Variants in GPR174 observed in about 807,000 individuals in gnomAD.
GPR174 encodes G protein-coupled receptor 174.
A neutral mutation model predicts 16.5 loss-of-function variants in GPR174; 8 were observed. The ratio of observed to expected loss-of-function variants is 0.48; its 90% CI spans 0.28 to 0.87. The LOEUF is 0.87. Ranked by LOEUF, GPR174 falls within the 40% of genes least tolerant of loss-of-function variation. GPR174 has a pLI of 0.09. For synonymous variants in GPR174, 111 were observed against 94.8 expected (o/e 1.17, Z -0.99); for missense variants, 214 against 247.5 (o/e 0.86, Z 0.91).
Position 79,174,400 on chromosome X carries a change from T to G in GPR174, c.*2391T>G, listed in dbSNP as rs1921588982. 1 of 107,132 alleles carries G rather than the reference T, an allele frequency of 9.3e-6. No homozygotes were observed. The highest frequency in any genetic ancestry group is 3.4e-5 in the African/African-American group (1 of 29,352). The allele number at this position is 107,132 out of a possible 1,213,427, so 8.8% of individuals were successfully genotyped here. A position where few individuals can be genotyped will look rare whatever the true frequency, so the allele number is the denominator to read the frequency against. On this transcript the variant is annotated 3_prime_UTR_variant, in exon 3 of 3. Coordinates refer to ENST00000645147, the MANE Select transcript of GPR174 (RefSeq NM_032553.3). ...CACACCATGGTGCTAATAGCTAATGTTAGGTTCATATTAATTTACCCAGGA... is the reference window on the plus strand; with the variant it reads ...CACACCATGGTGCTAATAGCTAATGGTAGGTTCATATTAATTTACCCAGGA...
Position 79,166,318 on chromosome X carries a change from C to T in GPR174, c.-556-4134C>T, listed in dbSNP as rs755723196. Among the ~76,000 whole-genome samples, 6 of 110,087 alleles carry T rather than the reference C, an allele frequency of 5.5e-5. No homozygotes were observed. The South Asian group carries it at 2.3e-3, about 43-fold the overall frequency. ...TGTATAGATAAACAAGGTGTGCAAA[C>T]CACTATGAATCACAAGTTAAACAGT... On this transcript the variant is annotated intron_variant, in intron 2 of 2. Transcript: ENST00000645147.
intron 1 of GPR174, among the ~76,000 whole-genome samples, chrX:79,146,031 T>C (rs138916562): frequency 8.9e-6 from 1 of 112,118 alleles, no homozygotes; most frequent in East Asian, 2.8e-4. Flanking sequence ...AGTGAAATTA[T>C]TTCCTTGTTT....
chrX:79,165,439 G>A (rs1459116815), intron 2 of GPR174, among the ~76,000 whole-genome samples: 1 of 111,222 alleles, frequency 9.0e-6, no homozygotes, highest in African/African-American at 3.3e-5. Context: ...CATTTCCAGG[G>A]AAAGCTTGCC....
intron 1 of GPR174, among the ~76,000 whole-genome samples, chrX:79,152,544 C>A (rs1926622737): frequency 9.0e-6 from 1 of 111,391 alleles, no homozygotes; most frequent in Non-Finnish European, 1.9e-5. Flanking sequence ...CCTGATAATC[C>A]TAATTATTTC....
intron 2 of GPR174, among the ~76,000 whole-genome samples, chrX:79,166,583 C>A (rs1921377195): frequency 9.3e-6 from 1 of 107,669 alleles, no homozygotes; most frequent in South Asian, 4.2e-4. Context: ...GGATTACAGG[C>A]GTGTGCCACC....
chrX:79,146,171 G>A (rs1602334007), intron 1 of GPR174, among the ~76,000 whole-genome samples: 1 of 111,522 alleles, frequency 9.0e-6, no homozygotes, highest in East Asian at 2.8e-4. Context: ...AGAGAAAAAA[G>A]TCATGAATTC....
chrX:79,160,886 G>A (rs1194179456), intron 2 of GPR174, among the ~76,000 whole-genome samples: 2 of 111,425 alleles, frequency 1.8e-5, no homozygotes, highest in South Asian at 3.8e-4. Context: ...ATGTTAGGAA[G>A]GGCAGGGCAA....
intron 2 of GPR174, among the ~76,000 whole-genome samples, chrX:79,161,104 G>T (rs1921223912): frequency 8.9e-6 from 1 of 111,825 alleles, no homozygotes; most frequent in Non-Finnish European, 1.9e-5. Context: ...ACCAGAAATT[G>T]CATATTTGTA....
intron 2 of GPR174, among the ~76,000 whole-genome samples, chrX:79,163,130 C>A (rs1216412106): frequency 1.8e-5 from 2 of 111,466 alleles, no homozygotes; most frequent in African/African-American, 3.3e-5. Flanking sequence ...TAGGCCATTG[C>A]AGTGTGGACA....
chrX:79,163,504 TCA>T lies in GPR174; in HGVS notation c.-557+6587_-557+6588del, dbSNP rs1262675923. Among the ~76,000 whole-genome samples the T allele has an allele frequency of 9.0e-5, 10 of 111,700 alleles. No homozygotes were observed. The South Asian group carries it at 1.1e-3, about 12-fold the overall frequency. ...AAAGATCGGGAAGAAGGGATTTTTC[TCA>T]GTTTCCTAGATGATTTGTAACTCAA... On this transcript the variant is annotated intron_variant, in intron 2 of 2. Transcript: ENST00000645147.
Position 79,174,593 on chromosome X carries a change from G to C in GPR174, c.*2584G>C, listed in dbSNP as rs909004968. 2.7e-5 allele frequency: 3 copies of C among 109,955 alleles called. No individual in the cohort carries two copies. The highest frequency in any genetic ancestry group is 6.6e-5 in the African/African-American group (2 of 30,166). 9.1% of individuals were successfully genotyped at this position (109,955 alleles called of 1,213,427 possible). A position where few individuals can be genotyped will look rare whatever the true frequency, so the allele number is the denominator to read the frequency against. On this transcript the variant is annotated 3_prime_UTR_variant, in exon 3 of 3. Transcript: ENST00000645147. The stretch of plus-strand genomic sequence containing the variant: ...CATACAGTAAGCAAACACCTACTTT[G>C]GTTACCATAATGGGAATGCTGACTT...
Position 79,171,436 on chromosome X carries a change from G to A in GPR174, c.429G>A (p.Leu143=). ...YDLYISIAGW[L]IICLACVLFP... ...TGTACATCAGCATTGCTGGCTGGCTGATCATCTGCCTTGCCTGTGTACTCT... is the reference window on the plus strand; with the variant it reads ...TGTACATCAGCATTGCTGGCTGGCTAATCATCTGCCTTGCCTGTGTACTCT... The change falls in exon 3 of 3, where the codon CTG becomes CTA. Residue 143 remains leucine (L), a synonymous_variant. Coordinates refer to ENST00000645147, the MANE Select transcript of GPR174 (RefSeq NM_032553.3). The A allele has an allele frequency of 8.3e-7, 1 of 1,211,555 alleles. No homozygotes were observed. Among genetic ancestry groups the A allele is most frequent in the African/African-American group, 1.7e-5 (1 of 57,781 alleles).
Position 79,170,865 on chromosome X carries a change from A to G in GPR174, c.-143A>G, listed in dbSNP as rs1019317486. ...CCCCAAATCATACGTAGAGACTCAG[A>G]CAGATGTGGTAAAAAGAGGAAGGTT... On this transcript the variant is annotated 5_prime_UTR_variant, in exon 3 of 3. Coordinates refer to ENST00000645147, the MANE Select transcript of GPR174 (RefSeq NM_032553.3). The G allele has an allele frequency of 7.5e-5, 37 of 491,351 alleles. No individual in the cohort carries two copies. The highest frequency in any genetic ancestry group is 1.2e-4 in the Non-Finnish European group (34 of 293,561). The allele number at this position is 491,351 out of a possible 1,213,427, so 40.5% of individuals were successfully genotyped here.
At chrX:79,153,280 A>G (rs1186427688) in intron 1 of GPR174, among the ~76,000 whole-genome samples, 3 of 111,706 alleles carry the variant, frequency 2.7e-5, no homozygotes, top group Admixed American at 9.5e-5. Context: ...GGCAGGGGCT[A>G]TGTCTCATTT....
rs1208509148 is a variant in GPR174 at position 79,171,982 on chromosome X, T to C, written c.975T>C (p.Ala325=). The C allele has an allele frequency of 8.4e-7, 1 of 1,197,519 alleles. No homozygotes were observed. Among genetic ancestry groups the C allele is most frequent in the East Asian group, 3.0e-5 (1 of 33,666 alleles). ...HAKSFVSNHT[A]STMTPELC ...AATCCTTTGTGAGTAACCATACAGC[T>C]TCCACCATGACACCTGAATTATGCT... The change falls in exon 3 of 3, where the codon GCT becomes GCC. Residue 325 remains alanine, a synonymous_variant. Transcript: ENST00000645147.
chrX:79,151,722 A>T (rs763301900), intron 1 of GPR174, among the ~76,000 whole-genome samples: 15 of 111,915 alleles, frequency 1.3e-4, no homozygotes, highest in African/African-American at 4.2e-4. Flanking sequence ...AAAATTGAGA[A>T]TTGTAAAAAG....
At chrX:79,155,954 C>A (rs1411991770) in intron 1 of GPR174, among the ~76,000 whole-genome samples, 2 of 111,644 alleles carry the variant, frequency 1.8e-5, no homozygotes, top group Non-Finnish European at 3.8e-5. Flanking sequence ...ACCATGTTAC[C>A]CACCTAAGGC....
intron 1 of GPR174, among the ~76,000 whole-genome samples, chrX:79,145,884 G>T (rs1360097939): frequency 9.0e-6 from 1 of 111,542 alleles, no homozygotes; most frequent in African/African-American, 3.3e-5. Flanking sequence ...AGGCACAGTT[G>T]CTCTGTTTTT....
At position 79,172,020 on chromosome X, in the gene GPR174, C is replaced by T. The variant is rs993044961; in HGVS notation, c.*11C>T. On this transcript the variant is annotated 3_prime_UTR_variant, in exon 3 of 3. Coordinates refer to ENST00000645147, the MANE Select transcript of GPR174 (RefSeq NM_032553.3). Reference sequence around the variant, plus strand: ...CCTGAATTATGCTAAAACAAAAAACCAAACTGAATGTGACCTGAAATGCAA... The same window carrying T: ...CCTGAATTATGCTAAAACAAAAAACTAAACTGAATGTGACCTGAAATGCAA... The T allele has an allele frequency of 3.4e-6, 4 of 1,173,016 alleles. No individual in the cohort carries two copies. In the African/African-American group the frequency reaches 7.1e-5, roughly 21 times the overall value.
Sources: allele counts gnomAD v4.1 joint callset (sites outside exome capture counted in the v4.1 genomes callset), GRCh38; gene constraint gnomAD v4.1.1; transcripts MANE v1.5; gene names NCBI Gene and HGNC (gene_info 2026-07-23, HGNC 2026-07-21).